The following PRPS2 variants were observed in gnomAD, a reference collection of about 807,000 sequenced individuals.
PRPS2 encodes phosphoribosyl pyrophosphate synthetase 2, also known as ribose-phosphate pyrophosphokinase 2.
For missense variants in PRPS2, 104 were observed against 271.5 expected (o/e 0.38, Z 4.34); for synonymous variants, 111 against 115.3 (o/e 0.96, Z 0.24).
intron 2 of PRPS2, among the ~76,000 whole-genome samples, chrX:12,804,543 TG>T (rs2042584645): frequency 9.0e-6 from 1 of 111,014 alleles, no homozygotes; most frequent in Admixed American, 9.6e-5. Context: ...TGTACTTTGG[TG>T]AGGGGAACTG....
chrX:12,793,785 G>A (rs1258198867), intron 1 of PRPS2, among the ~76,000 whole-genome samples: 2 of 112,290 alleles, frequency 1.8e-5, no homozygotes, highest in African/African-American at 6.5e-5. Context: ...CTGGTTTGCT[G>A]TCTCCTGGCC....
intron 4 of PRPS2, among the ~76,000 whole-genome samples, chrX:12,814,992 T>C (rs2042640447): frequency 9.0e-6 from 1 of 111,639 alleles, no homozygotes; most frequent in African/African-American, 3.3e-5. Context: ...CAAAACTGTA[T>C]GTATATAATT....
intron 3 of PRPS2, 143 bp downstream of exon 3, chrX:12,809,475 T>C (rs2042611711): frequency 3.2e-6 from 2 of 622,580 alleles, no homozygotes; most frequent in East Asian, 7.3e-5. Context: ...TAATTTGATA[T>C]TAGTACTTCC....
At chrX:12,800,859 C>T (rs2042565768) in intron 2 of PRPS2, among the ~76,000 whole-genome samples, 1 of 111,359 alleles carries the variant, frequency 9.0e-6, no homozygotes, top group Admixed American at 9.6e-5. Context: ...GTTAATTTCT[C>T]ACCTAAAATC....
intron 5 of PRPS2, 60 bp downstream of exon 5, chrX:12,819,740 C>G: frequency 2.7e-6 from 3 of 1,127,994 alleles, no homozygotes; most frequent in Non-Finnish European, 3.5e-6. Context: ...AACACATCAG[C>G]TTTTAGAAAT....
At chrX:12,821,806 C>T (rs1396676861) in intron 6 of PRPS2, among the ~76,000 whole-genome samples, 2 of 112,138 alleles carry the variant, frequency 1.8e-5, no homozygotes, top group African/African-American at 3.2e-5. Flanking sequence ...TGGATGCCGA[C>T]GGGCCAGCAG....
intron 1 of PRPS2, 83 bp downstream of exon 1, chrX:12,791,702 G>A: frequency 1.1e-5 from 9 of 828,022 alleles, no homozygotes; most frequent in Non-Finnish European, 1.3e-5. Context: ...CGCCTGCCCG[G>A]GCCACCTCCG....
At chrX:12,796,284 G>A (rs964203277) in intron 1 of PRPS2, among the ~76,000 whole-genome samples, 2 of 99,147 alleles carry the variant, frequency 2.0e-5, no homozygotes, top group African/African-American at 7.6e-5. Flanking sequence ...GCAATGGTGC[G>A]ATCCCAGCTC....
intron 4 of PRPS2, 178 bp downstream of exon 4, chrX:12,810,324 T>A: frequency 1.8e-6 from 1 of 547,467 alleles, no homozygotes; most frequent in African/African-American, 2.3e-5. Flanking sequence ...TGTTAATATT[T>A]CGTCATTCAG....
chrX:12,816,582 T>C (rs2042648826), intron 4 of PRPS2, among the ~76,000 whole-genome samples: 2 of 111,978 alleles, frequency 1.8e-5, no homozygotes, highest in Non-Finnish European at 3.8e-5. Flanking sequence ...GGATTATAGG[T>C]GTGAGCCACC....
At chrX:12,814,740 G>T (rs1052504264) in intron 4 of PRPS2, among the ~76,000 whole-genome samples, 3 of 111,730 alleles carry the variant, frequency 2.7e-5, no homozygotes, top group African/African-American at 9.8e-5. Context: ...ACCTAAAAGT[G>T]GTATGGGAAG....
intron 1 of PRPS2, 141 bp downstream of exon 1, chrX:12,791,760 T>TCCGCGCCC (rs2042519904): frequency 1.6e-6 from 1 of 614,261 alleles, no homozygotes; most frequent in African/African-American, 2.5e-5. Context: ...CAACGCGGCC[T>TCCGCGCCC]CCGCGCCCCC....
At chrX:12,795,331 C>T (rs987364286) in intron 1 of PRPS2, among the ~76,000 whole-genome samples, 2 of 111,748 alleles carry the variant, frequency 1.8e-5, no homozygotes, top group African/African-American at 3.3e-5. Context: ...CTGCCTACCA[C>T]GCCATTCTTA....
intron 1 of PRPS2, among the ~76,000 whole-genome samples, chrX:12,798,370 G>A (rs73633507): frequency 0.017 from 1,909 of 111,823 alleles, 48 homozygotes; most frequent in African/African-American, 0.059. Flanking sequence ...GCAAGTGATG[G>A]AACTGAATGG....
chrX:12,817,471 A>T (rs2042653731), intron 4 of PRPS2, among the ~76,000 whole-genome samples: 1 of 50,781 alleles, frequency 2.0e-5, no homozygotes, highest in East Asian at 7.3e-4. Flanking sequence ...TTCCTCATAA[A>T]AAAAAAAAAA....
chrX:12,816,910 T>C (rs775957314), intron 4 of PRPS2, among the ~76,000 whole-genome samples: 2 of 111,794 alleles, frequency 1.8e-5, no homozygotes, highest in African/African-American at 3.3e-5. Context: ...CTGAGAGTTA[T>C]TTTCTCATAT....
chrX:12,822,934 T>G lies in PRPS2; in HGVS notation c.*138T>G. The G allele has an allele frequency of 2.1e-6, 1 of 470,418 alleles. No homozygotes were observed. Among genetic ancestry groups the G allele is most frequent in the Non-Finnish European group, 3.6e-6 (1 of 274,336 alleles). 38.8% of individuals were successfully genotyped at this position (470,418 alleles called of 1,213,427 possible). A position where few individuals can be genotyped will look rare whatever the true frequency, so the allele number is the denominator to read the frequency against. Reference sequence around the variant, plus strand: ...TCAGATCTTTGTATATGCTAAGATTTATTGTTTCCCCTTCTAAAGCTCAAG... The same window carrying G: ...TCAGATCTTTGTATATGCTAAGATTGATTGTTTCCCCTTCTAAAGCTCAAG... On this transcript the variant is annotated 3_prime_UTR_variant, in exon 7 of 7. Transcript: ENST00000380668.
At chrX:12,792,846 T>A (rs978460660) in intron 1 of PRPS2, among the ~76,000 whole-genome samples, 11 of 112,448 alleles carry the variant, frequency 9.8e-5, no homozygotes, top group African/African-American at 3.6e-4. Context: ...AAAAATTTCT[T>A]AAGGAGGAGT....
At chrX:12,811,805 T>A (rs2042625375) in intron 4 of PRPS2, among the ~76,000 whole-genome samples, 1 of 112,128 alleles carries the variant, frequency 8.9e-6, no homozygotes, top group African/African-American at 3.2e-5. Context: ...AGGCCCTGAT[T>A]CTTAGAAGAG....
Sources: allele counts gnomAD v4.1 joint callset (sites outside exome capture counted in the v4.1 genomes callset), GRCh38; gene constraint gnomAD v4.1.1; transcripts MANE v1.5; gene names NCBI Gene and HGNC (gene_info 2026-07-23, HGNC 2026-07-21).